HDGFL3: variants seen among roughly 807,000 people sequenced by gnomAD.
The protein encoded by HDGFL3 is hepatoma-derived growth factor-related protein 3.
Under a neutral mutation model 27.6 loss-of-function variants are expected in HDGFL3, and 6 were observed. That is an observed-to-expected ratio of 0.22 (90% CI 0.12 to 0.43). The LOEUF is 0.43. Among genes scored for constraint, HDGFL3 ranks in the 20% least tolerant of loss-of-function variants. The probability of loss-of-function intolerance (pLI) is 1.00; values close to 1 mark genes in which losing one functional copy is unlikely to be tolerated. For synonymous variants in HDGFL3, 88 were observed against 88.9 expected (o/e 0.99, Z 0.05); for missense variants, 207 against 250.1 (o/e 0.83, Z 1.16).
At chr15:83,141,056 T>C (rs1188352677) in intron 5 of HDGFL3, among the ~76,000 whole-genome samples, 1 of 152,196 alleles carries the variant, frequency 6.6e-6, no homozygotes, top group Non-Finnish European at 1.5e-5. Context: ...AATTACAAAA[T>C]CTGAGATTAA....
At chr15:83,118,650 G>A (rs1452486258) in intron 3 of HDGFL3, among the ~76,000 whole-genome samples, 2 of 152,154 alleles carry the variant, frequency 1.3e-5, no homozygotes, top group East Asian at 3.9e-4. Flanking sequence ...CTGCTTGCTT[G>A]GCTGATTGAT....
intron 1 of HDGFL3, among the ~76,000 whole-genome samples, chr15:83,184,183 C>CT (rs1002621107): frequency 2.6e-5 from 4 of 152,130 alleles, no homozygotes; most frequent in Non-Finnish European, 5.9e-5. Flanking sequence ...GCGATATCAA[C>CT]TTTTTTACCC....
At chr15:83,157,268 T>TC in intron 4 of HDGFL3, 147 bp downstream of exon 4, 2 of 768,594 alleles carry the variant, frequency 2.6e-6, no homozygotes, top group Non-Finnish European at 4.2e-6. Flanking sequence ...TTACCTGACT[T>TC]CCCTCTGCTG....
intron 1 of HDGFL3, among the ~76,000 whole-genome samples, chr15:83,177,345 T>C (rs2037325239): frequency 6.6e-6 from 1 of 152,246 alleles, no homozygotes; most frequent in Non-Finnish European, 1.5e-5. Flanking sequence ...GTGTGTAATA[T>C]AAGCAAATGT....
intron 5 of HDGFL3, among the ~76,000 whole-genome samples, chr15:83,143,695 G>C (rs897886830): frequency 6.6e-6 from 1 of 152,204 alleles, no homozygotes; most frequent in Admixed American, 6.5e-5. Context: ...GAAAGGCATT[G>C]TATGACGGAA....
intron 1 of HDGFL3, among the ~76,000 whole-genome samples, chr15:83,167,569 A>G (rs2037187197): frequency 6.6e-6 from 1 of 152,118 alleles, no homozygotes; most frequent in Non-Finnish European, 1.5e-5. Flanking sequence ...CAAGAAAAAA[A>G]AAAAAAAAAG....
chr15:83,151,087 CA>C lies in HDGFL3; in HGVS notation c.606+127del, dbSNP rs2036958245. 1.5e-5 allele frequency: 12 copies of C among 795,282 alleles called. No homozygotes were observed. The African/African-American group carries it at 2.1e-4, about 14-fold the overall frequency. The allele number at this position is 795,282 out of a possible 1,614,324, so 49.3% of individuals were successfully genotyped here. A position where few individuals can be genotyped will look rare whatever the true frequency, so the allele number is the denominator to read the frequency against. On this transcript the variant is annotated intron_variant, in intron 5 of 5. Transcript: ENST00000299633. The stretch of plus-strand genomic sequence containing the variant: ...ATTATATTAAAGGGCTGAGTGGATG[CA>C]TATAATAGGCTGAGAATACTTCTCC...
chr15:83,156,670 T>C (rs998192590), intron 4 of HDGFL3, among the ~76,000 whole-genome samples: 7 of 152,166 alleles, frequency 4.6e-5, no homozygotes, highest in Admixed American at 1.3e-4. Context: ...ATGTTGTTTG[T>C]ACAATGACAA....
rs891272767 is a variant in HDGFL3 at position 83,133,206 on chromosome 15, C to T, written c.*6064G>A. ...TTCTGAACCAATGAACTATGTTGCT[C>T]AGAAAACTCTAAGAAAAGATAACAC... On this transcript the variant is annotated 3_prime_UTR_variant, in exon 6 of 6. Transcript: ENST00000299633. 6.6e-6 allele frequency: 1 copy of T among 152,198 alleles called. No homozygotes were observed. Among genetic ancestry groups the T allele is most frequent in the African/African-American group, 2.4e-5 (1 of 41,436 alleles). 9.4% of individuals were successfully genotyped at this position (152,198 alleles called of 1,614,324 possible). A position where few individuals can be genotyped will look rare whatever the true frequency, so the allele number is the denominator to read the frequency against.
At position 83,138,611 on chromosome 15, in the gene HDGFL3, T is replaced by C. The variant is rs2036703626; in HGVS notation, c.*659A>G. The C allele has an allele frequency of 6.6e-6, 1 of 152,598 alleles. No homozygotes were observed. Among genetic ancestry groups the C allele is most frequent in the Non-Finnish European group, 1.5e-5 (1 of 68,004 alleles). 9.5% of individuals were successfully genotyped at this position (152,598 alleles called of 1,614,324 possible). ...TGGGAAAAAAATAAATCATTGCCTT[T>C]ATTTTGGAGTAACACAAAAAGACTC... On this transcript the variant is annotated 3_prime_UTR_variant, in exon 6 of 6. Transcript: ENST00000299633.
chr15:83,149,194 G>A lies in HDGFL3; in HGVS notation c.606+2021C>T, dbSNP rs924529596. On this transcript the variant is annotated intron_variant, in intron 5 of 5. Coordinates refer to ENST00000299633, the MANE Select transcript of HDGFL3 (RefSeq NM_016073.4). ...AAAGCAATACCTGCACCTACCTCCT[G>A]AAGTTTGTATGAGGATTAAATGAGA... Among the ~76,000 whole-genome samples, 136 of 152,122 alleles carry A rather than the reference G, an allele frequency of 8.9e-4. 1 individual carries two copies. Among genetic ancestry groups the A allele is most frequent in the Non-Finnish European group, 2.9e-4 (20 of 68,018 alleles).
intron 5 of HDGFL3, among the ~76,000 whole-genome samples, chr15:83,139,918 C>T (rs999922273): frequency 1.3e-5 from 2 of 152,174 alleles, no homozygotes; most frequent in Non-Finnish European, 2.9e-5. Context: ...TTGGGTCCCA[C>T]TTTAAATTGT....
At chr15:83,122,599 T>A (rs1429681357) in intron 3 of HDGFL3, among the ~76,000 whole-genome samples, 8 of 152,090 alleles carry the variant, frequency 5.3e-5, no homozygotes, top group Non-Finnish European at 1.2e-4. Flanking sequence ...TTAATACACA[T>A]CTAGTATTTT....
chr15:83,187,038 A>C (rs2037451615), intron 1 of HDGFL3, among the ~76,000 whole-genome samples: 1 of 152,320 alleles, frequency 6.6e-6, no homozygotes, highest in African/African-American at 2.4e-5. Context: ...TTTTACTTTA[A>C]AAAATTAGTT....
chr15:83,124,313 A>G (rs532410723), downstream of HDGFL3, among the ~76,000 whole-genome samples: 1 of 152,188 alleles, frequency 6.6e-6, no homozygotes. Context: ...GTATGTAACT[A>G]TATCTATTTA....
chr15:83,197,687 A>C (rs926571005), intron 1 of HDGFL3, among the ~76,000 whole-genome samples: 1 of 152,160 alleles, frequency 6.6e-6, no homozygotes, highest in African/African-American at 2.4e-5. Context: ...CACAGCCTCA[A>C]TATCATCAGC....
intron 1 of HDGFL3, among the ~76,000 whole-genome samples, chr15:83,193,923 C>T (rs1385192821): frequency 6.6e-6 from 1 of 152,114 alleles, no homozygotes; most frequent in Admixed American, 6.5e-5. Context: ...TACGCTGCCA[C>T]GTTAATAAGA....
rs970198017 is a variant in HDGFL3 at position 83,117,365 on chromosome 15, C to T, written c.394-1624G>A. Among the ~76,000 whole-genome samples the T allele has an allele frequency of 3.9e-5, 6 of 152,176 alleles. 1 individual carries two copies. Among genetic ancestry groups the T allele is most frequent in the African/African-American group, 4.8e-5 (2 of 41,512 alleles). On this transcript the variant is annotated intron_variant, in intron 3 of 3. Coordinates refer to the HDGFL3 transcript ENST00000568294. ...GGAGCAGTCCTGGAAGAGAGAGTCACGGGCCATCGGAGTGCAGTTGGTACC... is the reference window on the plus strand; with the variant it reads ...GGAGCAGTCCTGGAAGAGAGAGTCATGGGCCATCGGAGTGCAGTTGGTACC...
At chr15:83,139,362 T>A in intron 5 of HDGFL3, 87 bp from the exon 6 acceptor site, 1 of 763,034 alleles carries the variant, frequency 1.3e-6, no homozygotes, top group Non-Finnish European at 1.9e-6. Context: ...AGATAGTACA[T>A]AATTGGGTTT....
Sources: gnomAD v4.1 joint callset for allele counts (sites outside exome capture counted in the v4.1 genomes callset) on GRCh38, gnomAD v4.1.1 for gene constraint, MANE v1.5 for transcripts, NCBI Gene and HGNC (gene_info 2026-07-23, HGNC 2026-07-21) for gene names.